B3GLCT: variants seen among roughly 807,000 people sequenced by gnomAD.
The protein encoded by B3GLCT is beta 3-glucosyltransferase.
Under a neutral mutation model 63.4 loss-of-function variants are expected in B3GLCT, and 65 were observed. That is an observed-to-expected ratio of 1.03 (90% confidence interval 0.84 to 1.26). The LOEUF (loss-of-function observed/expected upper bound fraction) is 1.26. Among genes scored for constraint, B3GLCT ranks in the 50% most tolerant of loss-of-function variants. The pLI, the probability that B3GLCT is intolerant of heterozygous loss-of-function variation, is 0.00. For synonymous variants in B3GLCT, 233 were observed against 219.2 expected (o/e 1.06, Z -0.55); for missense variants, 577 against 604.8 (o/e 0.95, Z 0.48).
At chr13:31,224,838 A>G (rs887169609) in intron 3 of B3GLCT, among the ~76,000 whole-genome samples, 1 of 152,116 alleles carries the variant, frequency 6.6e-6, no homozygotes, top group African/African-American at 2.4e-5. Flanking sequence ...CATCAGAAAA[A>G]CACCAGCATG....
chr13:31,322,954 C>G (rs576370849), intron 13 of B3GLCT, among the ~76,000 whole-genome samples: 1 of 152,248 alleles, frequency 6.6e-6, no homozygotes, highest in African/African-American at 2.4e-5. Flanking sequence ...AAGAGAAAGG[C>G]AATTTATGGT....
rs764862762 is a variant in B3GLCT at position 31,323,918 on chromosome 13, TC to T, written c.1329+26del. 10 of 1,613,760 alleles carry T rather than the reference TC, an allele frequency of 6.2e-6. No individual in the cohort carries two copies. The South Asian group carries it at 1.1e-4, about 18-fold the overall frequency. ...CAGGTGAGGAAATGGTTTTTATTCT[TC>T]CCTCATGGCAGGTGAGGGACAGATT... On this transcript the variant is annotated intron_variant, in intron 14 of 14. Transcript: ENST00000343307.
At chr13:31,211,364 C>G (rs1869250614) in intron 1 of B3GLCT, among the ~76,000 whole-genome samples, 1 of 152,158 alleles carries the variant, frequency 6.6e-6, no homozygotes, top group African/African-American at 2.4e-5. Context: ...CCACTGCACT[C>G]CACTCTGGGC....
chr13:31,223,123 C>T (rs1339875799), intron 3 of B3GLCT, 132 bp downstream of exon 3: 3 of 680,116 alleles, frequency 4.4e-6, no homozygotes, highest in Non-Finnish European at 5.1e-6. Flanking sequence ...CTGTCTTTGG[C>T]CCAGCCTAAC....
intron 7 of B3GLCT, among the ~76,000 whole-genome samples, chr13:31,268,301 C>G (rs540520645): frequency 6.6e-6 from 1 of 152,130 alleles, no homozygotes; most frequent in Non-Finnish European, 1.5e-5. Context: ...AGCTTTGAAT[C>G]AAATAATATG....
chr13:31,233,999 C>T (rs1242230499), intron 4 of B3GLCT, among the ~76,000 whole-genome samples: 1 of 126,156 alleles, frequency 7.9e-6, no homozygotes, highest in East Asian at 2.2e-4. Flanking sequence ...CATCAGCAGG[C>T]AGTTTTTCTT....
chr13:31,248,003 G>A, intron 6 of B3GLCT, 37 bp downstream of exon 6: 1 of 1,150,646 alleles, frequency 8.7e-7, no homozygotes, highest in East Asian at 2.4e-5. Context: ...TATTTTGGGG[G>A]ACAGTGTTTC....
At chr13:31,242,111 A>G (rs1870979322) in intron 4 of B3GLCT, among the ~76,000 whole-genome samples, 1 of 152,188 alleles carries the variant, frequency 6.6e-6, no homozygotes, top group Non-Finnish European at 1.5e-5. Flanking sequence ...AGAGAGATTA[A>G]TAAAATAGTG....
chr13:31,264,030 G>A (rs9542855), intron 7 of B3GLCT, among the ~76,000 whole-genome samples: 48,245 of 152,004 alleles, frequency 0.32, 8,768 homozygotes, highest in Non-Finnish European at 0.42. Context: ...GTGAGTGCCA[G>A]TTTTCTGGTT....
rs375464691 is a variant in B3GLCT, at chr13:31,250,537, C to T, written c.459+2571C>T. On this transcript the variant is annotated intron_variant, in intron 6 of 14. Coordinates refer to ENST00000343307, the MANE Select transcript of B3GLCT (RefSeq NM_194318.4). ...GCAAAAAGTAATTCTGAGGGGCGTC[C>T]GCCATTGCTGAGGCTTGAGTAGGCA... is the stretch of plus-strand genomic sequence containing the variant. Among the ~76,000 whole-genome samples the T allele has an allele frequency of 4.7e-4, 72 of 152,312 alleles. 2 individuals carry two copies. The highest frequency in any genetic ancestry group is 1.6e-3 in the African/African-American group (66 of 41,568).
At chr13:31,255,390 A>T (rs1871683967) in intron 6 of B3GLCT, among the ~76,000 whole-genome samples, 1 of 152,230 alleles carries the variant, frequency 6.6e-6, no homozygotes, top group Non-Finnish European at 1.5e-5. Context: ...GGTAATTTAT[A>T]GATTCAGTGC....
chr13:31,205,394 T>C (rs1472586190), intron 1 of B3GLCT, among the ~76,000 whole-genome samples: 1 of 151,842 alleles, frequency 6.6e-6, no homozygotes, highest in East Asian at 1.9e-4. Context: ...CCATCTCTAC[T>C]AAAAATACAA....
intron 12 of B3GLCT, chr13:31,312,898 T>C (rs945047359): frequency 6.6e-6 from 1 of 152,224 alleles, no homozygotes; most frequent in Non-Finnish European, 1.5e-5. Flanking sequence ...ACCACTCTTA[T>C]TACGAGGCAG....
At chr13:31,260,138 T>C (rs1225084392) in intron 6 of B3GLCT, among the ~76,000 whole-genome samples, 1 of 152,216 alleles carries the variant, frequency 6.6e-6, no homozygotes, top group East Asian at 1.9e-4. Flanking sequence ...GATTTCTTTT[T>C]TCATTGACTG....
intron 9 of B3GLCT, among the ~76,000 whole-genome samples, chr13:31,275,687 A>G (rs1182678588): frequency 2.6e-5 from 4 of 152,124 alleles, no homozygotes. Flanking sequence ...AGCTTTTCTC[A>G]TAAGAAAAAA....
intron 1 of B3GLCT, among the ~76,000 whole-genome samples, chr13:31,213,624 C>CCCCCCCCCCCCCCCCCA (rs1555244560): frequency 1.4e-5 from 1 of 73,024 alleles, no homozygotes; most frequent in Non-Finnish European, 3.1e-5. Context: ...CCACCCCACC[C>CCCCCCCCCCCCCCCCCA]CCCCCCCCCG....
intron 4 of B3GLCT, among the ~76,000 whole-genome samples, chr13:31,245,252 A>G (rs1871144766): frequency 6.6e-6 from 1 of 152,130 alleles, no homozygotes; most frequent in African/African-American, 2.4e-5. Context: ...TGCTGAGGTT[A>G]CCGTCAAGGT....
chr13:31,209,129 C>T (rs1191784636), intron 1 of B3GLCT, among the ~76,000 whole-genome samples: 4 of 152,218 alleles, frequency 2.6e-5, no homozygotes, highest in African/African-American at 9.6e-5. Context: ...CAGGGCCTTC[C>T]ATCCCATGGT....
chr13:31,209,990 G>C (rs1480555762), intron 1 of B3GLCT, among the ~76,000 whole-genome samples: 1 of 152,186 alleles, frequency 6.6e-6, no homozygotes. Context: ...CAGGAACAGG[G>C]AAAGAGAGTT....
Sources: gnomAD v4.1 joint callset for allele counts (sites outside exome capture counted in the v4.1 genomes callset) on GRCh38, gnomAD v4.1.1 for gene constraint, MANE v1.5 for transcripts, NCBI Gene and HGNC (gene_info 2026-07-23, HGNC 2026-07-21) for gene names.